Variants in RASA2 observed in about 807,000 individuals in gnomAD.
The protein encoded by RASA2 is RAS p21 protein activator 2.
Under a neutral mutation model 118.2 loss-of-function variants are expected in RASA2, and 155 were observed. The observed-to-expected ratio is 1.31, with a 90% CI of 1.15 to 1.50. RASA2 has a LOEUF of 1.50. RASA2 is among the 40% of genes most tolerant of loss of function. The pLI, the probability that RASA2 is intolerant of heterozygous loss-of-function variation, is 0.00. For missense variants in RASA2, 1,016 were observed against 1,009.6 expected, an observed-to-expected ratio of 1.01 and a Z score of -0.09; for synonymous variants, 353 against 349.1, an observed-to-expected ratio of 1.01 and a Z score of -0.12.
intron 5 of RASA2, among the ~76,000 whole-genome samples, chr3:141,548,886 A>G (rs1337799641): frequency 6.6e-6 from 1 of 152,080 alleles, no homozygotes; most frequent in Non-Finnish European, 1.5e-5. Context: ...TATTGTTCTC[A>G]TCATTCTTAT....
intron 17 of RASA2, among the ~76,000 whole-genome samples, chr3:141,584,070 C>T (rs947151115): frequency 6.6e-6 from 1 of 151,842 alleles, no homozygotes; most frequent in Non-Finnish European, 1.5e-5. Context: ...CGGTGGCTTA[C>T]GCCTGTAATC....
intron 1 of RASA2, among the ~76,000 whole-genome samples, chr3:141,487,635 T>G (rs1577624746): frequency 6.7e-6 from 1 of 148,290 alleles, no homozygotes; most frequent in African/African-American, 2.5e-5. Context: ...GGCCCCGCGG[T>G]GGGAGCCGAG....
chr3:141,531,523 ATATT>A (rs2082260474), intron 4 of RASA2, among the ~76,000 whole-genome samples: 1 of 151,776 alleles, frequency 6.6e-6, no homozygotes, highest in Admixed American at 6.6e-5. Context: ...ATGGGTATGC[ATATT>A]TATAGATATA....
chr3:141,599,092 A>C (rs1468577711), intron 19 of RASA2, among the ~76,000 whole-genome samples: 2 of 152,124 alleles, frequency 1.3e-5, no homozygotes, highest in Non-Finnish European at 2.9e-5. Context: ...TGTCTCAATA[A>C]ATAAATTAAT....
chr3:141,573,844 C>A, intron 13 of RASA2, 100 bp from the exon 14 acceptor site: 1 of 1,017,538 alleles, frequency 9.8e-7, no homozygotes, highest in East Asian at 3.0e-5. Context: ...TAGATAGTGA[C>A]TGTCTAATAA....
chr3:141,603,168 T>A (rs890281312), intron 19 of RASA2, among the ~76,000 whole-genome samples: 2 of 152,210 alleles, frequency 1.3e-5, no homozygotes. Flanking sequence ...ACACCCATCT[T>A]TCTTAACACT....
intron 5 of RASA2, 44 bp downstream of exon 5, chr3:141,540,653 A>AT: frequency 2.6e-6 from 4 of 1,515,314 alleles, no homozygotes; most frequent in Non-Finnish European, 3.6e-6. Flanking sequence ...ATAATTCTCC[A>AT]TTTTGTATTC....
chr3:141,547,922 T>C (rs749848149), intron 5 of RASA2, among the ~76,000 whole-genome samples: 4 of 152,204 alleles, frequency 2.6e-5, no homozygotes, highest in African/African-American at 9.6e-5. Context: ...CAAATACTTT[T>C]TGGCATCAGT....
At chr3:141,502,713 T>G (rs1254165301) in intron 1 of RASA2, among the ~76,000 whole-genome samples, 2 of 152,218 alleles carry the variant, frequency 1.3e-5, no homozygotes, top group African/African-American at 4.8e-5. Flanking sequence ...ATTAATTTAT[T>G]CAGTAAGTGG....
rs763559621 is a variant in RASA2 at position 141,571,566 on chromosome 3, A to G, written c.1169+12A>G. On this transcript the variant is annotated intron_variant, in intron 11 of 23. Coordinates refer to ENST00000286364, the MANE Select transcript of RASA2 (RefSeq NM_006506.5). ...TTGAAGGATACACAGTAAGAGTTAT[A>G]TTTTATTAAATGTTAATTACATGTT... 1 of 1,581,858 alleles carries G rather than the reference A, an allele frequency of 6.3e-7. No homozygotes were observed. Among genetic ancestry groups the G allele is most frequent in the Non-Finnish European group, 8.6e-7 (1 of 1,165,042 alleles).
At chr3:141,531,129 T>G (rs893965124) in intron 4 of RASA2, among the ~76,000 whole-genome samples, 4 of 152,084 alleles carry the variant, frequency 2.6e-5, no homozygotes, top group African/African-American at 9.7e-5. Flanking sequence ...CTAATATTCC[T>G]TTACCAAAAG....
chr3:141,564,764 G>A (rs933622896), intron 9 of RASA2, among the ~76,000 whole-genome samples: 4 of 152,194 alleles, frequency 2.6e-5, no homozygotes, highest in East Asian at 1.9e-4. Flanking sequence ...CAAGTGACAA[G>A]CACATGGGGG....
intron 3 of RASA2, among the ~76,000 whole-genome samples, chr3:141,527,905 T>TA (rs1157531054): frequency 2.0e-5 from 3 of 151,968 alleles, no homozygotes; most frequent in Admixed American, 6.6e-5. Context: ...AGAACTAAAA[T>TA]ACATTATTTC....
At chr3:141,577,446 A>G (rs2083031813) in intron 15 of RASA2, among the ~76,000 whole-genome samples, 1 of 152,120 alleles carries the variant, frequency 6.6e-6, no homozygotes, top group African/African-American at 2.4e-5. Context: ...TCATTTTGAT[A>G]GGTTTTTTAT....
At chr3:141,515,875 G>A (rs9836818) in intron 2 of RASA2, among the ~76,000 whole-genome samples, 36,732 of 147,606 alleles carry the variant, frequency 0.25, 5,186 homozygotes, top group Non-Finnish European at 0.32. Flanking sequence ...ACTCCAGCCT[G>A]GCAACAGAGC....
chr3:141,596,973 A>G (rs2083382957), intron 19 of RASA2, among the ~76,000 whole-genome samples: 1 of 152,252 alleles, frequency 6.6e-6, no homozygotes, highest in Admixed American at 6.5e-5. Context: ...ATGAAAACAT[A>G]TGCCCACACA....
intron 19 of RASA2, 99 bp from the exon 20 acceptor site, chr3:141,607,579 C>T (rs866394948): frequency 8.2e-7 from 1 of 1,213,636 alleles, no homozygotes; most frequent in Non-Finnish European, 1.1e-6. Flanking sequence ...ACACTCCTAC[C>T]ATCAAGAGGA....
At position 141,580,391 on chromosome 3, in the gene RASA2, A is replaced by G. The variant is rs1383441572; in HGVS notation, c.1614A>G (p.Leu538=). 3.1e-6 allele frequency: 5 copies of G among 1,609,048 alleles called. No individual in the cohort carries two copies. In the South Asian group the frequency reaches 5.5e-5, roughly 18 times the overall value. Reference sequence around the variant, plus strand: ...AGGATGCACAGACAATTAGAACATTAACTCTCATCTCAAAAACTATACAAA... The same window carrying G: ...AGGATGCACAGACAATTAGAACATTGACTCTCATCTCAAAAACTATACAAA... The part of the protein sequence containing the change: ...HHPDAQTIRT[L]TLISKTIQTL... The change falls in exon 16 of 24, where the codon TTA becomes TTG. Residue 538 remains leucine (L), a synonymous_variant. Transcript: ENST00000286364.
intron 3 of RASA2, among the ~76,000 whole-genome samples, chr3:141,518,459 G>C (rs1197518273): frequency 9.2e-6 from 1 of 108,462 alleles, no homozygotes; most frequent in African/African-American, 3.7e-5. Context: ...CTCCAGCCTC[G>C]GCAACAGAGC....
Sources: allele counts gnomAD v4.1 joint callset (sites outside exome capture counted in the v4.1 genomes callset), GRCh38; gene constraint gnomAD v4.1.1; transcripts MANE v1.5; gene names NCBI Gene and HGNC (gene_info 2026-07-23, HGNC 2026-07-21).